Variants in LY75 observed in about 807,000 individuals in gnomAD.
The protein encoded by LY75 is lymphocyte antigen 75, also known as C-type lectin domain family 13 member B.
LY75 carries 185 observed loss-of-function variants against 231.7 expected under a neutral mutation model. The ratio of observed to expected loss-of-function variants is 0.80; its 90% CI spans 0.71 to 0.90. The LOEUF (loss-of-function observed/expected upper bound fraction) is 0.90. Ranked by LOEUF, LY75 falls within the 40% of genes least tolerant of loss-of-function variation. The pLI, the probability that LY75 is intolerant of heterozygous loss-of-function variation, is 0.00. For synonymous variants in LY75, 668 were observed against 689.0 expected (o/e 0.97, Z 0.48); for missense variants, 1,947 against 2,050.2 (o/e 0.95, Z 0.97).
At chr2:159,902,332 G>T (rs1321150906) in intron 1 of LY75, 2 of 152,204 alleles carry the variant, frequency 1.3e-5, no homozygotes, top group African/African-American at 4.8e-5. Flanking sequence ...AAATTCTCCA[G>T]TGGTGTTTGA....
intron 4 of LY75, among the ~76,000 whole-genome samples, chr2:159,887,566 C>CAAAAAAAAAAAAA (rs369452762): frequency 1.3e-3 from 138 of 103,530 alleles, no homozygotes; most frequent in Non-Finnish European, 2.0e-3. Context: ...TCAACAACAA[C>CAAAAAAAAAAAAA]AAAAAAAAAA....
intron 23 of LY75, among the ~76,000 whole-genome samples, chr2:159,848,082 A>ATATATATG (rs1684259662): frequency 2.2e-5 from 1 of 44,874 alleles, no homozygotes; most frequent in African/African-American, 8.5e-5. Context: ...ATATATATAT[A>ATATATATG]TATATATATA....
chr2:159,869,441 G>T (rs1391465843), intron 13 of LY75, among the ~76,000 whole-genome samples: 2 of 152,164 alleles, frequency 1.3e-5, no homozygotes, highest in Non-Finnish European at 2.9e-5. Context: ...GAAATCGGAA[G>T]CTTGTTCATC....
chr2:159,864,947 A>G (rs1574569866), intron 13 of LY75, 27 bp from the exon 14 acceptor site: 22 of 1,585,496 alleles, frequency 1.4e-5, no homozygotes, highest in Non-Finnish European at 1.8e-5. Flanking sequence ...TGTTAAAAAT[A>G]CAGGACAATG....
intron 2 of LY75, among the ~76,000 whole-genome samples, chr2:159,897,789 A>G (rs1490976182): frequency 1.3e-5 from 2 of 152,334 alleles, no homozygotes; most frequent in Non-Finnish European, 1.5e-5. Context: ...AATGAAAAAT[A>G]TTTGCTTGGG....
At chr2:159,815,699 G>T in intron 30 of LY75, 126 bp from the exon 31 acceptor site, 1 of 1,158,278 alleles carries the variant, frequency 8.6e-7, no homozygotes, top group Non-Finnish European at 1.2e-6. Context: ...CAGTATTGTA[G>T]GTCTGAACCT....
chr2:159,853,726 A>G, intron 18 of LY75, 29 bp from the exon 19 acceptor site: 1 of 1,612,680 alleles, frequency 6.2e-7, no homozygotes. Context: ...ATCCATCCTT[A>G]TATGTGCTGA....
chr2:159,886,320 C>A, intron 5 of LY75, 100 bp downstream of exon 5: 1 of 1,275,394 alleles, frequency 7.8e-7, no homozygotes, highest in Non-Finnish European at 1.0e-6. Flanking sequence ...ATAGTAAGAG[C>A]TGCCAAGATG....
At chr2:159,868,639 T>C (rs1574573184) in intron 13 of LY75, among the ~76,000 whole-genome samples, 1 of 152,210 alleles carries the variant, frequency 6.6e-6, no homozygotes, top group Non-Finnish European at 1.5e-5. Context: ...GTTCTGTATA[T>C]GGATGCTCTT....
Position 159,816,815 on chromosome 2 carries a change from T to G in LY75, c.4371A>C (p.Ser1457=). The change falls in exon 30 of 35, where the codon TCA becomes TCC. Residue 1457 remains serine, a synonymous_variant. Transcript: ENST00000263636. The part of the protein sequence containing the change: ...RDGFPLWVGL[S]SHDGSESSFE... ...ACGAAGCAAGACTTACATCATGACT[T>G]GAGAGCCCAACCCATAGTGGAAATC... 1.2e-6 allele frequency: 2 copies of G among 1,613,874 alleles called. No homozygotes were observed. Among genetic ancestry groups the G allele is most frequent in the Non-Finnish European group, 8.5e-7 (1 of 1,179,814 alleles).
intron 5 of LY75, among the ~76,000 whole-genome samples, chr2:159,885,828 T>C (rs1470380297): frequency 6.6e-6 from 1 of 152,194 alleles, no homozygotes; most frequent in Non-Finnish European, 1.5e-5. Flanking sequence ...CTGAAATTAG[T>C]GTTAACTTTA....
At chr2:159,850,525 G>A in intron 21 of LY75, 58 bp from the exon 22 acceptor site, 1 of 1,600,326 alleles carries the variant, frequency 6.2e-7, no homozygotes. Context: ...GCTCACATAG[G>A]AAGTAAAATG....
At chr2:159,853,842 C>A in intron 18 of LY75, 145 bp from the exon 19 acceptor site, 3 of 1,072,730 alleles carry the variant, frequency 2.8e-6, no homozygotes, top group South Asian at 3.1e-5. Context: ...CAAACTAGAA[C>A]CTTTTGCCAA....
chr2:159,899,800 A>G (rs1442241040), intron 1 of LY75, among the ~76,000 whole-genome samples: 1 of 152,252 alleles, frequency 6.6e-6, no homozygotes, highest in Admixed American at 6.5e-5. Context: ...GCAGCAGAAC[A>G]GTGGGGTACA....
At chr2:159,873,306 T>TAC (rs1685074070) in intron 12 of LY75, among the ~76,000 whole-genome samples, 1 of 152,170 alleles carries the variant, frequency 6.6e-6, no homozygotes, top group Non-Finnish European at 1.5e-5. Flanking sequence ...GGGCGGAGTA[T>TAC]ACGTCTTTGT....
intron 23 of LY75, among the ~76,000 whole-genome samples, chr2:159,846,351 CCT>C (rs1263233515): frequency 6.6e-6 from 1 of 151,954 alleles, no homozygotes; most frequent in Non-Finnish European, 1.5e-5. Context: ...ACAATGAGAC[CCT>C]GTCTCTACAA....
chr2:159,824,766 C>A (rs1031485620), intron 28 of LY75, among the ~76,000 whole-genome samples: 8 of 152,166 alleles, frequency 5.3e-5, no homozygotes, highest in Non-Finnish European at 7.3e-5. Flanking sequence ...GTCTCTCATA[C>A]CACAGTGCAA....
Position 159,805,090 on chromosome 2 carries a change from T to C in LY75, c.5123A>G (p.Gln1708Arg), listed in dbSNP as rs1307336601. The change falls in exon 35 of 35, where the codon CAA (glutamine) becomes CGA (arginine). Residue 1708 changes from glutamine (Q) to arginine (R), a missense_variant. Coordinates refer to ENST00000263636, the MANE Select transcript of LY75 (RefSeq NM_002349.4). Reference protein sequence around the residue: ...LAGFSSVRYAQGVNEDEIMLP... With the variant: ...LAGFSSVRYARGVNEDEIMLP... ...CATAATCTCATCTTCATTCACTCCT[T>C]GTGCATATCGAACTGATGAGAAACC... 3 of 1,614,188 alleles carry C rather than the reference T, an allele frequency of 1.9e-6. No homozygotes were observed. The highest frequency in any genetic ancestry group is 1.1e-5 in the South Asian group (1 of 91,090).
intron 4 of LY75, among the ~76,000 whole-genome samples, chr2:159,887,391 C>T (rs1685623815): frequency 1.3e-5 from 2 of 151,244 alleles, no homozygotes; most frequent in South Asian, 4.1e-4. Flanking sequence ...AACCCTGTCT[C>T]TACTAAAAAT....
Sources: allele counts gnomAD v4.1 joint callset (sites outside exome capture counted in the v4.1 genomes callset), GRCh38; gene constraint gnomAD v4.1.1; transcripts MANE v1.5; gene names NCBI Gene and HGNC (gene_info 2026-07-23, HGNC 2026-07-21).